Variants in CCNT1 observed in about 807,000 individuals in gnomAD.
CCNT1 encodes the protein cyclin-T1.
In CCNT1, 18 loss-of-function variants were observed where a neutral mutation model predicts 67.3. That is an observed-to-expected ratio of 0.27 (90% CI 0.18 to 0.40). The LOEUF is 0.40. Ranked by LOEUF, CCNT1 falls within the 10% of genes least tolerant of loss-of-function variation. The pLI is 1.00. For missense variants in CCNT1, 744 were observed against 884.9 expected, an observed-to-expected ratio of 0.84 and a Z score of 2.02; for synonymous variants, 333 against 310.3, an observed-to-expected ratio of 1.07 and a Z score of -0.77.
At chr12:48,707,282 TTC>T (rs1491523304) in intron 2 of CCNT1, among the ~76,000 whole-genome samples, 1 of 146,050 alleles carries the variant, frequency 6.8e-6, no homozygotes, top group Non-Finnish European at 1.5e-5. Context: ...TAGATTTTTT[TTC>T]TTTCTTTTTT....
Position 48,694,250 on chromosome 12 carries a change from T to G in CCNT1, c.964A>C (p.Asn322His). The change falls in exon 9 of 9, where the codon AAC (asparagine) becomes CAC (histidine). Residue 322 changes from asparagine to histidine, a missense_variant. By Grantham distance (68) the Asn-to-His change is moderately conservative. This residue lies in a region of CCNT1 where 564 missense variants were observed against 574.2 expected (regional missense o/e 0.98). Transcript: ENST00000261900. ...GGCAACATCTCCACACTGGTTAAGT[T>G]GCTGGATGACTCTTCGGAGACTGGC... ...SLPVSEESSS[N>H]LTSVEMLPGK... 1 of 1,614,198 alleles carries G rather than the reference T, an allele frequency of 6.2e-7. No individual in the cohort carries two copies. Among genetic ancestry groups the G allele is most frequent in the South Asian group, 1.1e-5 (1 of 91,086 alleles).
chr12:48,692,565 A>T lies in CCNT1; in HGVS notation c.*468T>A, dbSNP rs1940092773. 1 of 155,448 alleles carries T rather than the reference A, an allele frequency of 6.4e-6. No individual in the cohort carries two copies. Among genetic ancestry groups the T allele is most frequent in the Non-Finnish European group, 1.4e-5 (1 of 70,266 alleles). The allele number at this position is 155,448 out of a possible 1,614,324, so 9.6% of individuals were successfully genotyped here. A position where few individuals can be genotyped will look rare whatever the true frequency, so the allele number is the denominator to read the frequency against. ...AAATCCCTATCCCCTTCCCAATTAT[A>T]TAAAAAAACTAAACAGATAACTTAC... On this transcript the variant is annotated 3_prime_UTR_variant, in exon 9 of 9. Transcript: ENST00000261900.
At chr12:48,704,957 C>A (rs1290530012) in intron 3 of CCNT1, among the ~76,000 whole-genome samples, 2 of 152,054 alleles carry the variant, frequency 1.3e-5, no homozygotes, top group African/African-American at 4.8e-5. Context: ...CATCTCCAAC[C>A]CCACCCCCTG....
intron 2 of CCNT1, among the ~76,000 whole-genome samples, chr12:48,712,503 A>C (rs1014614624): frequency 1.4e-5 from 2 of 138,098 alleles, no homozygotes; most frequent in African/African-American, 5.3e-5. Flanking sequence ...ACCTCAGGTG[A>C]TCCGCCCGCC....
chr12:48,712,119 CAA>C (rs1940460659), intron 2 of CCNT1, among the ~76,000 whole-genome samples: 1 of 151,898 alleles, frequency 6.6e-6, no homozygotes, highest in Non-Finnish European at 1.5e-5. Flanking sequence ...TTCACAAATC[CAA>C]AAAGTTTCCT....
chr12:48,697,849 A>ATATATAT (rs1555157882), intron 6 of CCNT1: 4 of 96,552 alleles, frequency 4.1e-5, no homozygotes, highest in African/African-American at 1.5e-4. Flanking sequence ...TAAAAAAAAA[A>ATATATAT]AAAAAAATAT....
Position 48,697,883 on chromosome 12 carries a change from T to C in CCNT1, c.542+255A>G, listed in dbSNP as rs535957078. ...ATATATATATATATATATATACACA[T>C]ATAATTATTGCAGAATACTCCAAAT... is the stretch of plus-strand genomic sequence containing the variant. On this transcript the variant is annotated intron_variant, in intron 6 of 8. Coordinates refer to ENST00000261900, the MANE Select transcript of CCNT1 (RefSeq NM_001240.4). 4.1e-4 allele frequency: 61 copies of C among 147,472 alleles called. 1 individual carries two copies. The highest frequency in any genetic ancestry group is 2.1e-3 in the Admixed American group (30 of 14,016). 9.1% of individuals were successfully genotyped at this position (147,472 alleles called of 1,614,324 possible).
intron 2 of CCNT1, among the ~76,000 whole-genome samples, chr12:48,714,187 T>A (rs965312744): frequency 6.6e-6 from 1 of 152,146 alleles, no homozygotes; most frequent in Non-Finnish European, 1.5e-5. Context: ...GGATTACAGT[T>A]GTGAGCCACT....
At chr12:48,709,248 C>T (rs902757239) in intron 2 of CCNT1, among the ~76,000 whole-genome samples, 1 of 152,122 alleles carries the variant, frequency 6.6e-6, no homozygotes, top group Non-Finnish European at 1.5e-5. Flanking sequence ...GAGGGGACTC[C>T]GTTTCAAAAA....
intron 6 of CCNT1, among the ~76,000 whole-genome samples, chr12:48,697,145 G>C (rs1233773089): frequency 2.0e-5 from 3 of 152,058 alleles, no homozygotes; most frequent in Non-Finnish European, 4.4e-5. Flanking sequence ...TTTAAAAAGG[G>C]AAGAAGGAAA....
chr12:48,693,844 T>C lies in CCNT1; in HGVS notation c.1370A>G (p.Lys457Arg), dbSNP rs1159987955. Residue 457 changes from lysine to arginine, a missense_variant, in exon 9 of 9, where the codon AAA becomes AGA. By Grantham distance (26) the Lys-to-Arg change is conservative. Around this residue, in one of 3 missense-constraint regions of CCNT1, gnomAD observed 564 missense variants for 574.2 expected, o/e 0.98. Transcript: ENST00000261900. ...PERPFLEKAD[K>R]TALKMRIPVA... ...TGGGATTCTCATTTTGAGAGCTGTT[T>C]TGTCAGCCTTTTCCAGAAAAGGCCG... The C allele has an allele frequency of 1.9e-6, 3 of 1,614,166 alleles. No individual in the cohort carries two copies. The highest frequency in any genetic ancestry group is 4.5e-5 in the East Asian group (2 of 44,886).
chr12:48,712,550 C>T (rs1432838813), intron 2 of CCNT1, among the ~76,000 whole-genome samples: 1 of 121,130 alleles, frequency 8.3e-6, no homozygotes, highest in East Asian at 2.7e-4. Flanking sequence ...AGGCTTAAGC[C>T]ACCGTGCCCA....
chr12:48,699,577 T>A (rs960793166), intron 5 of CCNT1, among the ~76,000 whole-genome samples: 2 of 152,240 alleles, frequency 1.3e-5, no homozygotes, highest in African/African-American at 4.8e-5. Context: ...AGGTTAGTTC[T>A]CTTTAACTAG....
chr12:48,694,516 C>T, intron 8 of CCNT1, 80 bp from the exon 9 acceptor site: 1 of 1,305,814 alleles, frequency 7.7e-7, no homozygotes, highest in Non-Finnish European at 1.1e-6. Context: ...ATTGTACTTG[C>T]AGCAACACTG....
At chr12:48,715,838 T>G (rs1422566852) in intron 1 of CCNT1, among the ~76,000 whole-genome samples, 1 of 152,212 alleles carries the variant, frequency 6.6e-6, no homozygotes, top group African/African-American at 2.4e-5. Context: ...GTAAACTATT[T>G]AAAACATTAG....
intron 1 of CCNT1, among the ~76,000 whole-genome samples, 198 bp downstream of exon 1, chr12:48,716,317 C>A (rs1000360570): frequency 2.6e-5 from 4 of 152,240 alleles, no homozygotes; most frequent in Non-Finnish European, 5.9e-5. Flanking sequence ...CACGGGTGAG[C>A]GAGCGGGAAA....
chr12:48,696,238 TTAAAA>T, intron 6 of CCNT1, 76 bp from the exon 7 acceptor site: 2 of 307,194 alleles, frequency 6.5e-6, no homozygotes, highest in Non-Finnish European at 9.0e-6. Context: ...TCTCCATTAT[TTAAAA>T]AAAAAAAAAA....
intron 2 of CCNT1, among the ~76,000 whole-genome samples, chr12:48,706,302 T>C (rs1224914054): frequency 2.0e-5 from 3 of 152,186 alleles, no homozygotes; most frequent in African/African-American, 2.4e-5. Flanking sequence ...GAGAGGAGTA[T>C]AGGAATAACT....
chr12:48,707,331 G>T (rs1274077682), intron 2 of CCNT1, among the ~76,000 whole-genome samples: 2 of 147,890 alleles, frequency 1.4e-5, no homozygotes, highest in Non-Finnish European at 3.0e-5. Context: ...CTGTCACCCA[G>T]CTGCAGTGCA....
Sources: allele counts gnomAD v4.1 joint callset (sites outside exome capture counted in the v4.1 genomes callset), GRCh38; gene constraint gnomAD v4.1.1; regional missense constraint gnomAD v4.1.1; transcripts MANE v1.5; gene names NCBI Gene and HGNC (gene_info 2026-07-23, HGNC 2026-07-21).